Variants in PPP1R2 observed in about 807,000 individuals in gnomAD.
The protein encoded by PPP1R2 is protein phosphatase 1 regulatory inhibitor subunit 2, also known as protein phosphatase inhibitor 2.
A neutral mutation model predicts 29.9 loss-of-function variants in PPP1R2; 16 were observed. The ratio of observed to expected loss-of-function variants is 0.53; its 90% CI spans 0.36 to 0.81. The LOEUF (loss-of-function observed/expected upper bound fraction) is 0.81. PPP1R2 is among the 30% of genes least tolerant of loss of function. The pLI, the probability that PPP1R2 is intolerant of heterozygous loss-of-function variation, is 0.00. For synonymous variants in PPP1R2, 76 were observed against 91.5 expected, an observed-to-expected ratio of 0.83 and a Z score of 0.96; for missense variants, 197 against 252.7, an observed-to-expected ratio of 0.78 and a Z score of 1.49.
chr3:195,519,502 G>C (rs2641378), intron 4 of PPP1R2: 1 of 245,636 alleles, frequency 4.1e-6, no homozygotes, highest in African/African-American at 2.3e-5. Flanking sequence ...ACAAAAGAGC[G>C]AGTTACAACA....
At chr3:195,519,295 G>T in intron 4 of PPP1R2, 110 bp from the exon 5 acceptor site, 1 of 815,722 alleles carries the variant, frequency 1.2e-6, no homozygotes, top group Non-Finnish European at 1.9e-6. Flanking sequence ...TTTTTGTCAT[G>T]CTTAAGGCTG....
At chr3:195,531,077 C>T (rs1035022570) in intron 1 of PPP1R2, among the ~76,000 whole-genome samples, 7 of 152,216 alleles carry the variant, frequency 4.6e-5, no homozygotes, top group Non-Finnish European at 1.0e-4. Context: ...CCTGCCTGGG[C>T]CTCCCAAACT....
At chr3:195,540,736 T>C (rs1719562954) in intron 1 of PPP1R2, among the ~76,000 whole-genome samples, 1 of 152,112 alleles carries the variant, frequency 6.6e-6, no homozygotes, top group South Asian at 2.1e-4. Flanking sequence ...TGTGATGCCC[T>C]GCACCACCTT....
At chr3:195,527,535 T>G (rs553463561) in intron 2 of PPP1R2, among the ~76,000 whole-genome samples, 1 of 152,148 alleles carries the variant, frequency 6.6e-6, no homozygotes, top group South Asian at 2.1e-4. Flanking sequence ...AGTGCTGAGA[T>G]TACAGGCGTT....
intron 1 of PPP1R2, among the ~76,000 whole-genome samples, chr3:195,533,420 G>A (rs979235256): frequency 1.3e-5 from 2 of 151,424 alleles, no homozygotes; most frequent in African/African-American, 2.4e-5. Context: ...TAAATTGCCT[G>A]TTGCAATAAA....
At position 195,516,475 on chromosome 3, in the gene PPP1R2, CTGT is replaced by C. The variant is rs1718548965; in HGVS notation, c.*418_*420del. 1 of 162,984 alleles carries C rather than the reference CTGT, an allele frequency of 6.1e-6. No individual in the cohort carries two copies. The highest frequency in any genetic ancestry group is 6.0e-5 in the Admixed American group (1 of 16,750). The allele number at this position is 162,984 out of a possible 1,614,324, so 10.1% of individuals were successfully genotyped here. ...CTAAATATTTATCAGTCTATATATC[CTGT>C]TGTTCAATTGGCTTTTGATTTTTAA... is the stretch of plus-strand genomic sequence containing the variant. On this transcript the variant is annotated 3_prime_UTR_variant, in exon 6 of 6. Transcript: ENST00000618156.
chr3:195,536,724 G>T lies in PPP1R2; in HGVS notation c.122+6180C>A, dbSNP rs1037350704. Among the ~76,000 whole-genome samples the T allele has an allele frequency of 2.0e-4, 30 of 148,350 alleles. No individual in the cohort carries two copies. The East Asian group carries it at 4.6e-3, about 23-fold the overall frequency. On this transcript the variant is annotated intron_variant, in intron 1 of 5. Coordinates refer to ENST00000618156, the MANE Select transcript of PPP1R2 (RefSeq NM_006241.8). ...AATCACTTGCACCCAGGAGGCAAAG[G>T]TTGCCGTGAGCTGAGATTGCACCAT... is the stretch of plus-strand genomic sequence containing the variant.
chr3:195,529,692 A>T (rs1309343425), intron 2 of PPP1R2, 102 bp downstream of exon 2: 2 of 813,890 alleles, frequency 2.5e-6, no homozygotes, highest in Non-Finnish European at 3.8e-6. Flanking sequence ...TCCAGTAACA[A>T]ATCTACAATA....
At position 195,515,838 on chromosome 3, in the gene PPP1R2, T is replaced by C. The variant is rs1244219510; in HGVS notation, c.*1058A>G. 6.6e-6 allele frequency: 1 copy of C among 152,174 alleles called. No homozygotes were observed. Among genetic ancestry groups the C allele is most frequent in the Non-Finnish European group, 1.5e-5 (1 of 67,986 alleles). The allele number at this position is 152,174 out of a possible 1,614,324, so 9.4% of individuals were successfully genotyped here. A position where few individuals can be genotyped will look rare whatever the true frequency, so the allele number is the denominator to read the frequency against. ...TAATAGCCATTTAATTAGCAATCTG[T>C]AAATCAGAGAGGTATAGAAATTCAG... On this transcript the variant is annotated 3_prime_UTR_variant, in exon 6 of 6. Transcript: ENST00000618156.
chr3:195,520,090 ACCTTAGCCT>A (rs1248891654), intron 4 of PPP1R2, among the ~76,000 whole-genome samples: 1 of 152,016 alleles, frequency 6.6e-6, no homozygotes, highest in African/African-American at 2.4e-5. Context: ...GCTCACGGCA[ACCTTAGCCT>A]CCTAGGTTTA....
At chr3:195,519,215 G>T in intron 4 of PPP1R2, 30 bp from the exon 5 acceptor site, 3 of 1,524,004 alleles carry the variant, frequency 2.0e-6, no homozygotes, top group Non-Finnish European at 2.7e-6. Context: ...AACTTAGGAA[G>T]TTTGAGCTCA....
rs535528142 is a variant in PPP1R2, at chr3:195,522,850, C to T, written c.403+842G>A. 2.1e-4 allele frequency among the ~76,000 whole-genome samples: 32 copies of T among 152,326 alleles called. 1 individual carries two copies. In the South Asian group the frequency reaches 5.0e-3, roughly 24 times the overall value. On this transcript the variant is annotated intron_variant, in intron 4 of 5. Transcript: ENST00000618156. ...TTCACGGTACAGGAGGTAGTCCCTA[C>T]GCCACAACACTTCAAGTAGGTTTCT... is the stretch of plus-strand genomic sequence containing the variant.
At chr3:195,523,907 G>T in intron 3 of PPP1R2, 121 bp from the exon 4 acceptor site, 3 of 841,860 alleles carry the variant, frequency 3.6e-6, no homozygotes, top group Non-Finnish European at 5.7e-6. Context: ...GCTATAACCT[G>T]ATGAGGAAAA....
intron 4 of PPP1R2, chr3:195,523,183 T>C (rs768576100): frequency 6.0e-4 from 95 of 159,600 alleles, no homozygotes; most frequent in Non-Finnish European, 1.2e-3. Flanking sequence ...TCCATCCCTG[T>C]GAAGGGGAGG....
In PPP1R2 at chr3:195,516,536, C is replaced by T. The variant is rs1401915295; in HGVS notation, c.*360G>A. ...AAATCAATAAACTTTGTAAGAGCTACCACATTTCAAGTGATGAAAATAAAT... is the reference window on the plus strand; with the variant it reads ...AAATCAATAAACTTTGTAAGAGCTATCACATTTCAAGTGATGAAAATAAAT... On this transcript the variant is annotated 3_prime_UTR_variant, in exon 6 of 6. Transcript: ENST00000618156. 1.6e-5 allele frequency: 3 copies of T among 193,062 alleles called. No individual in the cohort carries two copies. Among genetic ancestry groups the T allele is most frequent in the Admixed American group, 5.6e-5 (1 of 17,824 alleles). The allele number at this position is 193,062 out of a possible 1,614,324, so 12.0% of individuals were successfully genotyped here. A position where few individuals can be genotyped will look rare whatever the true frequency, so the allele number is the denominator to read the frequency against.
In PPP1R2 at chr3:195,524,892, T is replaced by A. The variant is rs1444230714; in HGVS notation, c.235A>T (p.Met79Leu). The A allele has an allele frequency of 6.2e-7, 1 of 1,613,930 alleles. No individual in the cohort carries two copies. The highest frequency in any genetic ancestry group is 1.1e-5 in the South Asian group (1 of 91,070). The change falls in exon 3 of 6, where the codon ATG becomes TTG. Residue 79 changes from methionine (M) to leucine (L), a missense_variant. Around this residue, in one of 3 missense-constraint regions of PPP1R2, gnomAD observed 135 missense variants for 163.0 expected, o/e 0.83. Transcript: ENST00000618156. ...CTACAGGCATCTTCATCATCCCCCATCATACTAGTATGACAAGCACATTGT... is the reference window on the plus strand; with the variant it reads ...CTACAGGCATCTTCATCATCCCCCAACATACTAGTATGACAAGCACATTGT... Reference protein sequence around the residue: ...DEPSTPYHSMMGDDEDACSDT... With the variant: ...DEPSTPYHSMLGDDEDACSDT...
intron 1 of PPP1R2, among the ~76,000 whole-genome samples, chr3:195,536,881 A>G (rs1470652627): frequency 1.3e-5 from 2 of 151,964 alleles, no homozygotes; most frequent in African/African-American, 4.8e-5. Flanking sequence ...TGGAGTTTAA[A>G]AAGTATCTCT....
intron 2 of PPP1R2, chr3:195,528,702 ATTTTTTTTTTTTTTTT>A (rs1186534650): frequency 1.0e-4 from 6 of 59,970 alleles, no homozygotes; most frequent in East Asian, 8.0e-4. Flanking sequence ...GGGCATAACT[ATTTTTTTTTTTTTTTT>A]TTTTTTTTTT....
At chr3:195,528,703 T>C (rs1047099718) in intron 2 of PPP1R2, 5 of 75,830 alleles carry the variant, frequency 6.6e-5, no homozygotes, top group African/African-American at 3.4e-4. Flanking sequence ...GGCATAACTA[T>C]TTTTTTTTTT....
Sources: allele counts gnomAD v4.1 joint callset (sites outside exome capture counted in the v4.1 genomes callset), GRCh38; gene constraint gnomAD v4.1.1; regional missense constraint gnomAD v4.1.1; transcripts MANE v1.5; gene names NCBI Gene and HGNC (gene_info 2026-07-23, HGNC 2026-07-21).